Variants in NRG3 observed in about 807,000 individuals in gnomAD.
NRG3 encodes neuregulin 3, also known as pro-neuregulin-3, membrane-bound isoform.
In NRG3, 31 loss-of-function variants were observed where a neutral mutation model predicts 66.9. The observed-to-expected ratio is 0.46, with a 90% CI of 0.35 to 0.63. The LOEUF (loss-of-function observed/expected upper bound fraction) is 0.63, where lower values mean the gene tolerates loss of function less well. NRG3 is among the 20% of genes least tolerant of loss of function. NRG3 has a pLI of 0.00. For synonymous variants in NRG3, 393 were observed against 359.4 expected, an observed-to-expected ratio of 1.09 and a Z score of -1.06; for missense variants, 910 against 878.9, an observed-to-expected ratio of 1.04 and a Z score of -0.45.
At chr10:82,133,360 G>T (rs2069080455) in intron 1 of NRG3, among the ~76,000 whole-genome samples, 2 of 152,058 alleles carry the variant, frequency 1.3e-5, no homozygotes, top group Admixed American at 1.3e-4. Flanking sequence ...CATCACCCAG[G>T]AATTAAGTCC....
chr10:82,308,168 G>T (rs2080843975), intron 1 of NRG3, among the ~76,000 whole-genome samples: 1 of 152,074 alleles, frequency 6.6e-6, no homozygotes, highest in Non-Finnish European at 1.5e-5. Flanking sequence ...TTGATTTATT[G>T]ATTGATTGAC....
At chr10:82,883,047 T>TAAAAA (rs1232783160) in intron 4 of NRG3, among the ~76,000 whole-genome samples, 1 of 152,230 alleles carries the variant, frequency 6.6e-6, no homozygotes, top group Non-Finnish European at 1.5e-5. Context: ...ACCCTTTCTC[T>TAAAAA]AAAAATATTT....
intron 2 of NRG3, among the ~76,000 whole-genome samples, chr10:82,541,522 G>C (rs2043540087): frequency 6.6e-6 from 1 of 152,036 alleles, no homozygotes; most frequent in Non-Finnish European, 1.5e-5. Context: ...CGTGACTGGG[G>C]GCTGCATGCA....
At chr10:82,716,005 C>T (rs2056950353) in intron 2 of NRG3, among the ~76,000 whole-genome samples, 1 of 152,128 alleles carries the variant, frequency 6.6e-6, no homozygotes, top group African/African-American at 2.4e-5. Flanking sequence ...CTTCCAAAGG[C>T]CACACCTCCA....
At chr10:82,058,843 T>C (rs968695530) in intron 1 of NRG3, among the ~76,000 whole-genome samples, 6 of 152,266 alleles carry the variant, frequency 3.9e-5, no homozygotes, top group Admixed American at 2.0e-4. Context: ...TATTCTTTAA[T>C]AGAAGATACT....
intron 1 of NRG3, among the ~76,000 whole-genome samples, chr10:82,088,745 A>C (rs2065864584): frequency 6.6e-6 from 1 of 152,112 alleles, no homozygotes; most frequent in Non-Finnish European, 1.5e-5. Context: ...GGGAGCTGTG[A>C]CTGGCTGTAC....
At chr10:82,306,678 T>C (rs2080748476) in intron 1 of NRG3, among the ~76,000 whole-genome samples, 1 of 111,418 alleles carries the variant, frequency 9.0e-6, no homozygotes, top group African/African-American at 3.6e-5. Context: ...CACTCCAGCC[T>C]GGGCGACAGA....
At chr10:82,950,245 T>A (rs911398451) in intron 4 of NRG3, among the ~76,000 whole-genome samples, 1 of 152,188 alleles carries the variant, frequency 6.6e-6, no homozygotes, top group South Asian at 2.1e-4. Context: ...TTTTGTATAT[T>A]TTTAGAATAT....
At chr10:82,474,154 T>C (rs957732224) in intron 2 of NRG3, among the ~76,000 whole-genome samples, 3 of 151,960 alleles carry the variant, frequency 2.0e-5, no homozygotes, top group Non-Finnish European at 2.9e-5. Flanking sequence ...GAGAGGTGTC[T>C]GTGTCTGTTT....
chr10:82,947,214 T>C (rs1849107139), intron 4 of NRG3, among the ~76,000 whole-genome samples: 2 of 152,212 alleles, frequency 1.3e-5, no homozygotes, highest in Admixed American at 6.5e-5. Flanking sequence ...ACATGTACCC[T>C]GTTTGCTGTC....
At chr10:82,309,479 A>G (rs372958567) in intron 1 of NRG3, among the ~76,000 whole-genome samples, 1 of 152,000 alleles carries the variant, frequency 6.6e-6, no homozygotes, top group East Asian at 1.9e-4. Context: ...AAAAAAAAAA[A>G]TAGGTTTACA....
chr10:82,869,726 G>C (rs1188265201), intron 4 of NRG3, among the ~76,000 whole-genome samples: 1 of 151,776 alleles, frequency 6.6e-6, no homozygotes, highest in Non-Finnish European at 1.5e-5. Context: ...TCCTGCCTCA[G>C]CCTCCCGAGT....
intron 1 of NRG3, among the ~76,000 whole-genome samples, chr10:82,172,597 G>A (rs2072714427): frequency 1.3e-5 from 2 of 152,004 alleles, no homozygotes; most frequent in African/African-American, 4.8e-5. Context: ...CTGAGATTCA[G>A]CTTGATTATA....
At chr10:82,414,624 A>G (rs1368851535) in intron 2 of NRG3, among the ~76,000 whole-genome samples, 1 of 152,166 alleles carries the variant, frequency 6.6e-6, no homozygotes, top group Non-Finnish European at 1.5e-5. Context: ...CAAGTGAAGC[A>G]CAATAAAATA....
intron 4 of NRG3, among the ~76,000 whole-genome samples, chr10:82,921,467 G>A (rs532441005): frequency 6.6e-6 from 1 of 152,272 alleles, no homozygotes; most frequent in Non-Finnish European, 1.5e-5. Context: ...TTGCTTCAGT[G>A]TTGATTCATT....
intron 1 of NRG3, among the ~76,000 whole-genome samples, chr10:82,126,227 T>A (rs767704669): frequency 1.1e-4 from 16 of 152,150 alleles, no homozygotes; most frequent in Non-Finnish European, 2.1e-4. Context: ...TTAAATATCA[T>A]AAGGTTGTTA....
At chr10:82,369,247 G>A (rs1024223070) in intron 2 of NRG3, among the ~76,000 whole-genome samples, 1 of 138,526 alleles carries the variant, frequency 7.2e-6, no homozygotes, top group Non-Finnish European at 1.5e-5. Context: ...TTGTCCCAGT[G>A]GTTCAGGAAT....
intron 2 of NRG3, among the ~76,000 whole-genome samples, chr10:82,573,767 G>A (rs2045879469): frequency 6.6e-6 from 1 of 151,768 alleles, no homozygotes; most frequent in Admixed American, 6.6e-5. Flanking sequence ...GGAAGTTTAT[G>A]CCAGACAAAA....
At chr10:82,358,927 G>A in intron 2 of NRG3, 59 bp downstream of exon 2, 1 of 1,610,788 alleles carries the variant, frequency 6.2e-7, no homozygotes, top group Non-Finnish European at 8.5e-7. Context: ...TGGGGGTGGA[G>A]GGTGCTGGCA....
Sources: gnomAD v4.1 joint callset for allele counts (sites outside exome capture counted in the v4.1 genomes callset) on GRCh38, gnomAD v4.1.1 for gene constraint, MANE v1.5 for transcripts, NCBI Gene and HGNC (gene_info 2026-07-23, HGNC 2026-07-21) for gene names.